Variants in R3HDM1 observed in about 807,000 individuals in gnomAD.
R3HDM1 encodes R3H domain containing 1.
In R3HDM1, 46 loss-of-function variants were observed where a neutral mutation model predicts 141.1. The observed-to-expected ratio is 0.33, with a 90% CI of 0.26 to 0.42. The LOEUF is 0.42. Ranked by LOEUF, R3HDM1 falls within the 10% of genes least tolerant of loss-of-function variation. R3HDM1 has a pLI of 1.00. For synonymous variants in R3HDM1, 435 were observed against 472.9 expected, an observed-to-expected ratio of 0.92 and a Z score of 1.04; for missense variants, 1,184 against 1,368.3, an observed-to-expected ratio of 0.87 and a Z score of 2.12.
At chr2:135,597,504 A>G (rs2059287731) in intron 1 of R3HDM1, among the ~76,000 whole-genome samples, 1 of 152,248 alleles carries the variant, frequency 6.6e-6, no homozygotes, top group African/African-American at 2.4e-5. Context: ...CTTTCTTTCT[A>G]GAGGCATTTG....
intron 5 of R3HDM1, among the ~76,000 whole-genome samples, chr2:135,617,588 A>G (rs2061158858): frequency 6.6e-6 from 1 of 152,126 alleles, no homozygotes; most frequent in African/African-American, 2.4e-5. Flanking sequence ...AATTTAGAAC[A>G]GTGAGGTTTA....
At chr2:135,559,480 G>A (rs968643972) in intron 1 of R3HDM1, among the ~76,000 whole-genome samples, 11 of 151,992 alleles carry the variant, frequency 7.2e-5, no homozygotes, top group African/African-American at 2.7e-4. Context: ...GAGATATTTT[G>A]GGATGGTAGA....
intron 7 of R3HDM1, among the ~76,000 whole-genome samples, chr2:135,630,280 C>CA (rs2062529884): frequency 5.2e-5 from 1 of 19,228 alleles, no homozygotes; most frequent in Admixed American, 8.3e-4. Context: ...TCCTTCTCAA[C>CA]CAAAAAAAAA....
intron 23 of R3HDM1, among the ~76,000 whole-genome samples, 195 bp from the exon 24 acceptor site, chr2:135,715,355 G>GA (rs2076064491): frequency 1.3e-5 from 2 of 152,058 alleles, no homozygotes; most frequent in Non-Finnish European, 2.9e-5. Context: ...CTGGGCAACA[G>GA]AGTGAGACTC....
At chr2:135,653,440 A>G (rs947085545) in intron 18 of R3HDM1, among the ~76,000 whole-genome samples, 1 of 151,610 alleles carries the variant, frequency 6.6e-6, no homozygotes, top group African/African-American at 2.4e-5. Context: ...TTTTAATGCT[A>G]TAAATTTCTT....
intron 1 of R3HDM1, chr2:135,536,773 A>G (rs1696218405): frequency 1.1e-6 from 1 of 939,966 alleles, no homozygotes; most frequent in African/African-American, 1.8e-5. Flanking sequence ...TGGGCCACAC[A>G]GCAGGAGGTG....
At chr2:135,639,578 G>T (rs1042828074) in intron 14 of R3HDM1, among the ~76,000 whole-genome samples, 1 of 151,950 alleles carries the variant, frequency 6.6e-6, no homozygotes, top group Admixed American at 6.6e-5. Flanking sequence ...TTAAATTGCT[G>T]AGGAGATTTT....
intron 6 of R3HDM1, chr2:135,622,350 TGTG>T: frequency 1.0e-6 from 1 of 984,382 alleles, no homozygotes; most frequent in African/African-American, 1.7e-5. Flanking sequence ...AACATGAGGT[TGTG>T]GTGAGTATAT....
intron 1 of R3HDM1, among the ~76,000 whole-genome samples, chr2:135,566,338 T>C (rs1199025617): frequency 1.3e-5 from 2 of 152,156 alleles, no homozygotes; most frequent in Non-Finnish European, 2.9e-5. Flanking sequence ...ATCTAGAATA[T>C]ATGTAAAACT....
chr2:135,680,468 CT>C, intron 21 of R3HDM1, 144 bp downstream of exon 21: 1 of 948,924 alleles, frequency 1.1e-6, no homozygotes, highest in Non-Finnish European at 1.5e-6. Context: ...ATACAGTATA[CT>C]TTTTAACATA....
At chr2:135,605,080 C>A in intron 3 of R3HDM1, 64 bp downstream of exon 3, 1 of 1,329,600 alleles carries the variant, frequency 7.5e-7, no homozygotes, top group Non-Finnish European at 1.0e-6. Context: ...TGTTTATTTT[C>A]ATACAAAACT....
chr2:135,661,516 A>C, intron 19 of R3HDM1, 123 bp downstream of exon 19: 2 of 1,242,278 alleles, frequency 1.6e-6, no homozygotes, highest in Non-Finnish European at 2.2e-6. Context: ...CATACATATG[A>C]GTTTGCAAAC....
At chr2:135,709,301 C>G (rs2075340159) in intron 21 of R3HDM1, 132 bp from the exon 22 acceptor site, 1 of 1,210,612 alleles carries the variant, frequency 8.3e-7, no homozygotes, top group Admixed American at 2.7e-5. Context: ...TCTCGATCTC[C>G]TGACCTCGTG....
At chr2:135,675,552 A>G (rs983761870) in intron 20 of R3HDM1, 66 bp downstream of exon 20, 14 of 1,447,800 alleles carry the variant, frequency 9.7e-6, no homozygotes, top group East Asian at 2.3e-5. Context: ...CACAACTACA[A>G]TACATCTTCT....
At chr2:135,559,180 C>T (rs984991633) in intron 1 of R3HDM1, 32 of 392,030 alleles carry the variant, frequency 8.2e-5, no homozygotes, top group African/African-American at 5.3e-4. Context: ...GGCATGATCA[C>T]GACTCACTGC....
intron 21 of R3HDM1, among the ~76,000 whole-genome samples, chr2:135,682,073 G>C (rs2105357600): frequency 6.7e-6 from 1 of 149,270 alleles, no homozygotes; most frequent in East Asian, 2.0e-4. Context: ...TTGGGATCTA[G>C]AATGCCAGTT....
At chr2:135,552,884 T>A (rs1362177297) in intron 1 of R3HDM1, among the ~76,000 whole-genome samples, 2 of 152,176 alleles carry the variant, frequency 1.3e-5, no homozygotes, top group African/African-American at 2.4e-5. Flanking sequence ...CATTGCTTTT[T>A]TTTTTCCTCA....
intron 1 of R3HDM1, chr2:135,581,123 T>C: frequency 1.1e-6 from 1 of 918,980 alleles, no homozygotes; most frequent in Non-Finnish European, 1.3e-6. Context: ...CAGAACCATT[T>C]TAAAGGCTGG....
At chr2:135,709,613 CA>C in intron 22 of R3HDM1, 77 bp downstream of exon 22, 2 of 1,528,668 alleles carry the variant, frequency 1.3e-6, no homozygotes, top group African/African-American at 2.8e-5. Context: ...GGCATTTCTA[CA>C]AAAAGCTTCT....
Sources: gnomAD v4.1 joint callset for allele counts (sites outside exome capture counted in the v4.1 genomes callset) on GRCh38, gnomAD v4.1.1 for gene constraint, MANE v1.5 for transcripts, NCBI Gene and HGNC (gene_info 2026-07-23, HGNC 2026-07-21) for gene names.